Variants in ILDR1 observed in about 807,000 individuals in gnomAD.
The protein encoded by ILDR1 is immunoglobulin-like domain-containing receptor 1.
Under a neutral mutation model 62.4 loss-of-function variants are expected in ILDR1, and 56 were observed. The observed-to-expected ratio is 0.90, with a 90% confidence interval of 0.72 to 1.12. ILDR1 has a LOEUF of 1.12. Among genes scored for constraint, ILDR1 ranks in the 50% most tolerant of loss-of-function variants. The pLI is 0.00. For synonymous variants in ILDR1, 284 were observed against 277.8 expected, an observed-to-expected ratio of 1.02 and a Z score of -0.22; for missense variants, 736 against 710.6, an observed-to-expected ratio of 1.04 and a Z score of -0.41.
chr3:122,004,188 CTTTT>C (rs1357662394), intron 3 of ILDR1, among the ~76,000 whole-genome samples: 1 of 152,166 alleles, frequency 6.6e-6, no homozygotes. Flanking sequence ...GTATTCTTCC[CTTTT>C]TCCCCTTTTA....
At chr3:122,045,489 G>C in the ILDR1 span, among the ~76,000 whole-genome samples, 14 of 152,002 alleles carry the variant, frequency 9.2e-5, no homozygotes, top group African/African-American at 1.5e-4. Flanking sequence ...CTTTCTGTCT[G>C]GTTGATCTGT....
the ILDR1 span, among the ~76,000 whole-genome samples, chr3:122,031,076 G>A: frequency 1.3e-5 from 2 of 152,316 alleles, no homozygotes; most frequent in East Asian, 3.9e-4. Context: ...TCATGGCCCT[G>A]AGATGTGTAA....
intron 1 of ILDR1, among the ~76,000 whole-genome samples, chr3:122,014,671 A>C (rs1484400129): frequency 1.3e-5 from 2 of 152,252 alleles, no homozygotes; most frequent in Non-Finnish European, 2.9e-5. Flanking sequence ...ATTCGAATAG[A>C]TACTTCAGGA....
chr3:122,010,098 C>A (rs2071681788), intron 1 of ILDR1, among the ~76,000 whole-genome samples: 1 of 148,270 alleles, frequency 6.7e-6, no homozygotes, highest in African/African-American at 2.4e-5. Flanking sequence ...AGGAAGAAGG[C>A]AGAGAAACTC....
At chr3:122,019,698 G>A (rs901170761) in intron 1 of ILDR1, among the ~76,000 whole-genome samples, 2 of 152,104 alleles carry the variant, frequency 1.3e-5, no homozygotes, top group African/African-American at 2.4e-5. Context: ...CTTCATTAGG[G>A]GCCCCAAGCC....
intron 3 of ILDR1, among the ~76,000 whole-genome samples, chr3:122,002,518 T>C (rs2071543306): frequency 6.6e-6 from 1 of 152,218 alleles, no homozygotes; most frequent in Non-Finnish European, 1.5e-5. Context: ...TAAAAGTAAA[T>C]GTAACTCAAG....
chr3:122,024,933 A>T (rs78386350), upstream of ILDR1, among the ~76,000 whole-genome samples: 284 of 152,306 alleles, frequency 1.9e-3, 2 homozygotes, highest in Non-Finnish European at 2.6e-3. Context: ...CACATATGTT[A>T]TTCAGCTCTA....
chr3:122,051,879 G>A, the ILDR1 span, among the ~76,000 whole-genome samples: 5 of 152,084 alleles, frequency 3.3e-5, no homozygotes, highest in Non-Finnish European at 5.9e-5. Flanking sequence ...GCTTATGCAC[G>A]TAGATTCCTA....
chr3:122,009,180 C>T (rs2071665110), intron 1 of ILDR1, among the ~76,000 whole-genome samples: 1 of 152,072 alleles, frequency 6.6e-6, no homozygotes, highest in African/African-American at 2.4e-5. Context: ...ATCCTCCAGC[C>T]TCAGCCTCCC....
the ILDR1 span, among the ~76,000 whole-genome samples, chr3:122,047,838 G>C: frequency 6.6e-6 from 1 of 152,330 alleles, no homozygotes; most frequent in South Asian, 2.1e-4. Context: ...AGATAAACCC[G>C]GTACCTCGGA....
intron 1 of ILDR1, among the ~76,000 whole-genome samples, chr3:122,018,564 G>A (rs1002469597): frequency 9.2e-5 from 14 of 151,884 alleles, no homozygotes; most frequent in Non-Finnish European, 2.1e-4. Flanking sequence ...CAAAAAACCT[G>A]CTCCACAGTA....
At chr3:121,992,130 G>C (rs1416461523) in intron 7 of ILDR1, among the ~76,000 whole-genome samples, 1 of 152,080 alleles carries the variant, frequency 6.6e-6, no homozygotes, top group Non-Finnish European at 1.5e-5. Context: ...TCATTTGGAT[G>C]TATTAATTAT....
chr3:122,047,567 T>C, the ILDR1 span, among the ~76,000 whole-genome samples: 1 of 152,216 alleles, frequency 6.6e-6, no homozygotes, highest in Admixed American at 6.5e-5. Flanking sequence ...GTCAGCGAGA[T>C]TCCGTGGGCG....
intron 1 of ILDR1, among the ~76,000 whole-genome samples, chr3:122,010,462 A>T (rs991938195): frequency 1.3e-5 from 2 of 152,212 alleles, no homozygotes; most frequent in Non-Finnish European, 2.9e-5. Context: ...TGGGAAAAAA[A>T]GCTGCTGTCT....
Position 121,993,986 on chromosome 3 carries a change from G to T in ILDR1, c.779-16C>A. 1 of 1,603,484 alleles carries T rather than the reference G, an allele frequency of 6.2e-7. No individual in the cohort carries two copies. The highest frequency in any genetic ancestry group is 8.5e-7 in the Non-Finnish European group (1 of 1,178,258). On this transcript the variant is annotated splice_polypyrimidine_tract_variant and intron_variant, in intron 6 of 7. Coordinates refer to ENST00000344209, the MANE Select transcript of ILDR1 (RefSeq NM_001199799.2). ...AGGGACAAATCTGAATGGAAACAAGGACAGGACAATAGAACAAATGGCCCA... is the reference window on the plus strand; with the variant it reads ...AGGGACAAATCTGAATGGAAACAAGTACAGGACAATAGAACAAATGGCCCA...
At chr3:122,015,664 C>T (rs2071766610) in intron 1 of ILDR1, among the ~76,000 whole-genome samples, 1 of 152,198 alleles carries the variant, frequency 6.6e-6, no homozygotes, top group African/African-American at 2.4e-5. Flanking sequence ...CCTGAGGCCT[C>T]CCCAGCCCTG....
At chr3:122,039,435 A>G in the ILDR1 span, among the ~76,000 whole-genome samples, 1 of 152,110 alleles carries the variant, frequency 6.6e-6, no homozygotes, top group African/African-American at 2.4e-5. Context: ...GAATTACAGC[A>G]GACATTTTCT....
chr3:122,053,140 G>A, the ILDR1 span, among the ~76,000 whole-genome samples: 1 of 152,160 alleles, frequency 6.6e-6, no homozygotes, highest in Non-Finnish European at 1.5e-5. Context: ...GGGAGCACAG[G>A]CTGGGGTTTC....
chr3:122,038,886 A>G, the ILDR1 span, among the ~76,000 whole-genome samples: 1 of 152,188 alleles, frequency 6.6e-6, no homozygotes, highest in Admixed American at 6.5e-5. Flanking sequence ...CCAGAGCAAA[A>G]GAAAGGGAAC....
Sources: gnomAD v4.1 joint callset for allele counts (sites outside exome capture counted in the v4.1 genomes callset) on GRCh38, gnomAD v4.1.1 for gene constraint, MANE v1.5 for transcripts, NCBI Gene and HGNC (gene_info 2026-07-23, HGNC 2026-07-21) for gene names.